The following PTDSS2 variants were observed in gnomAD, a reference collection of about 807,000 sequenced individuals.
The protein encoded by PTDSS2 is phosphatidylserine synthase 2.
A neutral mutation model predicts 64.7 loss-of-function variants in PTDSS2; 41 were observed. The ratio of observed to expected loss-of-function variants is 0.63; its 90% CI spans 0.49 to 0.82. PTDSS2 has a LOEUF of 0.82. Among genes scored for constraint, PTDSS2 ranks in the 40% least tolerant of loss-of-function variants. The pLI is 0.00. For synonymous variants in PTDSS2, 297 were observed against 277.8 expected, an observed-to-expected ratio of 1.07 and a Z score of -0.69; for missense variants, 485 against 650.0, an observed-to-expected ratio of 0.75 and a Z score of 2.76.
Position 462,247 on chromosome 11 carries a change from T to C in PTDSS2, c.284+1959T>C, listed in dbSNP as rs1297681400. Among the ~76,000 whole-genome samples, 2 of 151,926 alleles carry C rather than the reference T, an allele frequency of 1.3e-5. No individual in the cohort carries two copies. Among genetic ancestry groups the C allele is most frequent in the Non-Finnish European group, 2.9e-5 (2 of 67,946 alleles). ...CAGAGGGGCCAGGAGCTTAGACCCC[T>C]GAGGGGGCAGCAGTGGTGGGCACGT... On this transcript the variant is annotated intron_variant, in intron 2 of 11. Transcript: ENST00000308020. The surrounding 1 kb of genome is among the most constrained non-coding windows in gnomAD (Gnocchi z 4.5).
Position 490,522 on chromosome 11 carries a change from G to A in PTDSS2, c.1404G>A (p.Leu468=), listed in dbSNP as rs999593170. ...ACGGGGACCAGCACCCACTGGGGCT[G>A]GACGAAGACCTGCTGGGGCCTGGGG... The part of the protein sequence containing the change: ...VGNGDQHPLG[L]DEDLLGPGVA... Residue 468 remains leucine, a synonymous_variant, in exon 12 of 12, where the codon CTG becomes CTA. Transcript: ENST00000308020. 3 of 1,612,842 alleles carry A rather than the reference G, an allele frequency of 1.9e-6. No homozygotes were observed. Among genetic ancestry groups the A allele is most frequent in the African/African-American group, 1.3e-5 (1 of 75,052 alleles).
upstream of PTDSS2, chr11:450,216 C>G (rs1248619525): frequency 8.3e-6 from 3 of 362,120 alleles, no homozygotes; most frequent in Non-Finnish European, 1.5e-5. Flanking sequence ...CCAGCAAGCA[C>G]TGCGTCCAAC....
rs559931971 is a variant in PTDSS2 at position 460,553 on chromosome 11, C to T, written c.284+265C>T. 7 of 437,996 alleles carry T rather than the reference C, an allele frequency of 1.6e-5. No homozygotes were observed. The highest frequency in any genetic ancestry group is 6.3e-4 in the Middle Eastern group (1 of 1,600). The allele number at this position is 437,996 out of a possible 1,614,324, so 27.1% of individuals were successfully genotyped here. On this transcript the variant is annotated intron_variant, in intron 2 of 11. Coordinates refer to ENST00000308020, the MANE Select transcript of PTDSS2 (RefSeq NM_030783.3). The surrounding 1 kb of genome is among the most constrained non-coding windows in gnomAD (Gnocchi z 5.8). ...TCCACGTGACCGGCAGCCTGTGCTG[C>T]GTTTCCTCTGAGTTTTGCATGTTGA...
At chr11:477,496 G>A (rs377162487) in intron 3 of PTDSS2, among the ~76,000 whole-genome samples, 2 of 152,336 alleles carry the variant, frequency 1.3e-5, no homozygotes, top group South Asian at 2.1e-4. Context: ...TGGGTATTCC[G>A]GGGCGGCAGC....
chr11:450,860 A>C (rs940413150), intron 1 of PTDSS2, among the ~76,000 whole-genome samples: 1 of 151,876 alleles, frequency 6.6e-6, no homozygotes, highest in Admixed American at 6.5e-5. Context: ...TAGGTGGGGG[A>C]GACCCTGGGC....
intron 7 of PTDSS2, 35 bp downstream of exon 7, chr11:488,347 C>G (rs769772522): frequency 1.6e-5 from 25 of 1,546,952 alleles, no homozygotes; most frequent in Non-Finnish European, 2.1e-5. Flanking sequence ...GCAGTCGGTG[C>G]AGGCTGAGGG....
intron 1 of PTDSS2, 34 bp downstream of exon 1, chr11:450,671 G>T (rs569110004): frequency 5.6e-6 from 7 of 1,241,482 alleles, no homozygotes; most frequent in Non-Finnish European, 7.1e-6. Context: ...GGCGGCGAGG[G>T]TGCCCTCGAC....
At chr11:471,629 G>A (rs1344508261) in intron 2 of PTDSS2, among the ~76,000 whole-genome samples, 42 of 151,522 alleles carry the variant, frequency 2.8e-4, no homozygotes, top group Admixed American at 7.9e-4. Flanking sequence ...CCTGTCAGGC[G>A]GAGGGCGGCC....
chr11:479,431 G>C lies in PTDSS2; in HGVS notation c.435+279G>C, dbSNP rs563940106. On this transcript the variant is annotated intron_variant, in intron 4 of 11. Transcript: ENST00000308020. This position sits in a 1 kb window ranked among gnomAD's most constrained non-coding sequence, Gnocchi z 4.2. ...GGGCGCTGACTGTGGCCATTTAGCA[G>C]GGCCACACTTAAGGAGGGCAGGGCC... The C allele has an allele frequency of 9.5e-5, 51 of 538,652 alleles. No individual in the cohort carries two copies. Among genetic ancestry groups the C allele is most frequent in the African/African-American group, 9.1e-4 (48 of 52,662 alleles). The allele number at this position is 538,652 out of a possible 1,614,324, so 33.4% of individuals were successfully genotyped here.
intron 6 of PTDSS2, among the ~76,000 whole-genome samples, chr11:487,823 CAG>C (rs1016350404): frequency 2.7e-4 from 41 of 152,356 alleles, no homozygotes; most frequent in East Asian, 9.6e-4. Flanking sequence ...CCCACCCTGG[CAG>C]AGTTTGGTGT....
At chr11:465,294 A>T (rs188201817) in intron 2 of PTDSS2, among the ~76,000 whole-genome samples, 49 of 152,310 alleles carry the variant, frequency 3.2e-4, no homozygotes, top group Admixed American at 3.1e-3. Context: ...GGCCTCCAGC[A>T]ATCCTCCTGC....
chr11:488,134 C>T (rs778871094), intron 6 of PTDSS2, 65 bp from the exon 7 acceptor site: 73 of 1,239,460 alleles, frequency 5.9e-5, no homozygotes, highest in Non-Finnish European at 7.9e-5. Flanking sequence ...GGGGGCTGCA[C>T]GCACCCGTGG....
intron 8 of PTDSS2, 29 bp downstream of exon 8, chr11:488,676 C>T: frequency 1.3e-6 from 2 of 1,545,224 alleles, no homozygotes; most frequent in South Asian, 1.1e-5. Flanking sequence ...GAGGGCAGGG[C>T]CGGGTGGGGG....
At chr11:478,140 A>G (rs1847898302) in intron 3 of PTDSS2, among the ~76,000 whole-genome samples, 1 of 152,246 alleles carries the variant, frequency 6.6e-6, no homozygotes. Flanking sequence ...TCATCACATC[A>G]ACATGAAAAA....
In PTDSS2 at chr11:479,402, G is replaced by C; in HGVS notation, c.435+250G>C. 1 of 580,770 alleles carries C rather than the reference G, an allele frequency of 1.7e-6. No individual in the cohort carries two copies. The highest frequency in any genetic ancestry group is 2.9e-5 in the East Asian group (1 of 34,422). 36.0% of individuals were successfully genotyped at this position (580,770 alleles called of 1,614,324 possible). On this transcript the variant is annotated intron_variant, in intron 4 of 11. Coordinates refer to ENST00000308020, the MANE Select transcript of PTDSS2 (RefSeq NM_030783.3). The surrounding 1 kb of genome is among the most constrained non-coding windows in gnomAD (Gnocchi z 4.2). ...CGGGGGGCCTCCAGGAGCATCTGCTGGTGGGGCGCTGACTGTGGCCATTTA... is the reference window on the plus strand; with the variant it reads ...CGGGGGGCCTCCAGGAGCATCTGCTCGTGGGGCGCTGACTGTGGCCATTTA...
upstream of PTDSS2, among the ~76,000 whole-genome samples, chr11:449,753 C>T (rs1846235318): frequency 6.6e-6 from 1 of 152,088 alleles, no homozygotes; most frequent in South Asian, 2.1e-4. Context: ...TCGAGATTGG[C>T]CTGGCCAACA....
At chr11:489,347 G>A in intron 8 of PTDSS2, 53 bp from the exon 9 acceptor site, 1 of 1,491,788 alleles carries the variant, frequency 6.7e-7, no homozygotes, top group Non-Finnish European at 9.3e-7. Flanking sequence ...CGATGGCACA[G>A]GGCAGGGTTC....
At chr11:480,785 A>G (rs533470282) in intron 4 of PTDSS2, among the ~76,000 whole-genome samples, 5 of 152,180 alleles carry the variant, frequency 3.3e-5, no homozygotes, top group African/African-American at 9.6e-5. Context: ...CTGACCTCAA[A>G]TGATCCGCCT....
intron 4 of PTDSS2, among the ~76,000 whole-genome samples, chr11:486,208 G>C (rs1848371228): frequency 6.6e-6 from 1 of 152,162 alleles, no homozygotes; most frequent in South Asian, 2.1e-4. Context: ...GGTGTATCTG[G>C]CTGATGCCAG....
Sources: allele counts gnomAD v4.1 joint callset (sites outside exome capture counted in the v4.1 genomes callset), GRCh38; gene constraint gnomAD v4.1.1; non-coding constraint Gnocchi (gnomAD v3.1); transcripts MANE v1.5; gene names NCBI Gene and HGNC (gene_info 2026-07-23, HGNC 2026-07-21).